Variants in PPM1L observed in about 807,000 individuals in gnomAD.
PPM1L encodes the protein protein phosphatase, Mg2+/Mn2+ dependent 1L.
PPM1L carries 13 observed loss-of-function variants against 31.4 expected under a neutral mutation model. That is an observed-to-expected ratio of 0.41 (90% CI 0.27 to 0.66). PPM1L has a LOEUF of 0.66. Ranked by LOEUF, PPM1L falls within the 30% of genes least tolerant of loss-of-function variation. PPM1L has a pLI of 0.29. For missense variants in PPM1L, 326 were observed against 453.7 expected, an observed-to-expected ratio of 0.72 and a Z score of 2.56; for synonymous variants, 184 against 175.4, an observed-to-expected ratio of 1.05 and a Z score of -0.39.
At chr3:160,786,012 A>C (rs990787114) in intron 1 of PPM1L, among the ~76,000 whole-genome samples, 3 of 150,538 alleles carry the variant, frequency 2.0e-5, no homozygotes, top group Admixed American at 2.0e-4. Flanking sequence ...GGGGTTGACC[A>C]ATTTATACTT....
intron 2 of PPM1L, among the ~76,000 whole-genome samples, chr3:161,007,048 A>G (rs1250648202): frequency 2.0e-5 from 3 of 152,088 alleles, no homozygotes; most frequent in Non-Finnish European, 4.4e-5. Flanking sequence ...TTACCATCCC[A>G]GTCATTCATT....
chr3:161,027,252 G>C (rs1170807175), intron 2 of PPM1L, among the ~76,000 whole-genome samples: 1 of 152,200 alleles, frequency 6.6e-6, no homozygotes, highest in African/African-American at 2.4e-5. Context: ...ATGGGAGTGG[G>C]GAGATTGCAG....
At chr3:160,871,528 C>G (rs1232702907) in intron 1 of PPM1L, among the ~76,000 whole-genome samples, 2 of 152,070 alleles carry the variant, frequency 1.3e-5, no homozygotes, top group Non-Finnish European at 2.9e-5. Context: ...TTTGTTAAAC[C>G]AAGAACCTCA....
intron 1 of PPM1L, among the ~76,000 whole-genome samples, chr3:160,822,150 T>C (rs1268251464): frequency 6.6e-6 from 1 of 152,096 alleles, no homozygotes; most frequent in Non-Finnish European, 1.5e-5. Flanking sequence ...AGATTAAGGA[T>C]AAATTACCCA....
chr3:161,019,603 A>G (rs2108070826), intron 2 of PPM1L, among the ~76,000 whole-genome samples: 1 of 152,350 alleles, frequency 6.6e-6, no homozygotes, highest in South Asian at 2.1e-4. Flanking sequence ...GAAGTAAGAT[A>G]GAATCAAAGT....
At chr3:161,014,884 C>CCTGAA (rs527365257) in intron 2 of PPM1L, among the ~76,000 whole-genome samples, 32 of 152,250 alleles carry the variant, frequency 2.1e-4, no homozygotes, top group East Asian at 1.9e-3. Flanking sequence ...TATTGTAACA[C>CCTGAA]CTCCAAGCAA....
intron 2 of PPM1L, among the ~76,000 whole-genome samples, chr3:161,036,317 T>G (rs1718739324): frequency 1.3e-5 from 2 of 152,176 alleles, no homozygotes; most frequent in Non-Finnish European, 2.9e-5. Flanking sequence ...CCTGTGGAAG[T>G]TAATAGCATG....
At chr3:160,942,782 G>T (rs765356774) in intron 1 of PPM1L, among the ~76,000 whole-genome samples, 1 of 152,134 alleles carries the variant, frequency 6.6e-6, no homozygotes, top group Non-Finnish European at 1.5e-5. Flanking sequence ...CCCTCCATGT[G>T]CATATAAACA....
intron 2 of PPM1L, among the ~76,000 whole-genome samples, chr3:161,002,336 C>A (rs529837120): frequency 1.3e-5 from 2 of 152,224 alleles, no homozygotes; most frequent in East Asian, 3.9e-4. Context: ...GATTTATAGT[C>A]GTTTGGGTAT....
intron 1 of PPM1L, among the ~76,000 whole-genome samples, chr3:160,783,683 A>G (rs1711815970): frequency 6.6e-6 from 1 of 152,134 alleles, no homozygotes; most frequent in African/African-American, 2.4e-5. Flanking sequence ...TAAAGAAAAA[A>G]AATTCTATGG....
intron 2 of PPM1L, among the ~76,000 whole-genome samples, chr3:160,989,811 C>T (rs1012967052): frequency 6.6e-6 from 1 of 152,038 alleles, no homozygotes; most frequent in Non-Finnish European, 1.5e-5. Flanking sequence ...AGGCATACCC[C>T]ACTATGCCCA....
chr3:160,863,966 A>T (rs905192224), intron 1 of PPM1L, among the ~76,000 whole-genome samples: 1 of 152,212 alleles, frequency 6.6e-6, no homozygotes, highest in African/African-American at 2.4e-5. Flanking sequence ...AGGTAGATGA[A>T]GTAACCCTGG....
intron 2 of PPM1L, among the ~76,000 whole-genome samples, chr3:160,999,018 A>G (rs1717404656): frequency 6.6e-6 from 1 of 152,208 alleles, no homozygotes; most frequent in Admixed American, 6.5e-5. Context: ...AAGGCTACTC[A>G]GAGGATAACA....
At chr3:160,887,973 A>C (rs1712981326) in intron 1 of PPM1L, among the ~76,000 whole-genome samples, 1 of 152,172 alleles carries the variant, frequency 6.6e-6, no homozygotes, top group Non-Finnish European at 1.5e-5. Context: ...CTTTCCAGAT[A>C]AGAAAATGCT....
At chr3:160,869,976 C>T (rs1177125788) in intron 1 of PPM1L, among the ~76,000 whole-genome samples, 1 of 152,072 alleles carries the variant, frequency 6.6e-6, no homozygotes, top group African/African-American at 2.4e-5. Context: ...TGCTCTTGTC[C>T]AGCTGCCACT....
chr3:160,979,858 T>C (rs995683780), intron 2 of PPM1L, among the ~76,000 whole-genome samples: 1 of 152,092 alleles, frequency 6.6e-6, no homozygotes, highest in Non-Finnish European at 1.5e-5. Flanking sequence ...AATAAAACTT[T>C]TCATCCTTAA....
intron 2 of PPM1L, among the ~76,000 whole-genome samples, chr3:161,023,557 C>T (rs1454693248): frequency 6.6e-6 from 1 of 152,112 alleles, no homozygotes; most frequent in African/African-American, 2.4e-5. Context: ...ATTTACTACG[C>T]AAATATAAAC....
chr3:160,887,586 CT>C (rs1201159877), intron 1 of PPM1L, among the ~76,000 whole-genome samples: 5 of 33,766 alleles, frequency 1.5e-4, no homozygotes, highest in Admixed American at 2.9e-4. Context: ...TTTTTTTTTT[CT>C]TTTTTTTTTT....
intron 2 of PPM1L, among the ~76,000 whole-genome samples, chr3:161,033,504 T>C (rs1353834875): frequency 1.3e-5 from 2 of 151,920 alleles, no homozygotes; most frequent in Non-Finnish European, 2.9e-5. Context: ...TATAGACCAA[T>C]GGAACAGAAC....
Sources: gnomAD v4.1 joint callset for allele counts (sites outside exome capture counted in the v4.1 genomes callset) on GRCh38, gnomAD v4.1.1 for gene constraint, MANE v1.5 for transcripts, NCBI Gene and HGNC (gene_info 2026-07-23, HGNC 2026-07-21) for gene names.